ACP3: variants seen among roughly 807,000 people sequenced by gnomAD.
The protein encoded by ACP3 is acid phosphatase 3.
ACP3 carries 38 observed loss-of-function variants against 45.6 expected under a neutral mutation model. The observed-to-expected ratio is 0.83, with a 90% CI of 0.64 to 1.09. ACP3 has a LOEUF of 1.09. Ranked by LOEUF, ACP3 falls within the 50% of genes least tolerant of loss-of-function variation. The pLI, the probability that ACP3 is intolerant of heterozygous loss-of-function variation, is 0.00. For missense variants in ACP3, 466 were observed against 463.2 expected (o/e 1.01, Z -0.05); for synonymous variants, 162 against 164.7 (o/e 0.98, Z 0.13).
At chr3:132,347,454 T>G (rs1937622554) in intron 7 of ACP3, among the ~76,000 whole-genome samples, 2 of 152,084 alleles carry the variant, frequency 1.3e-5, no homozygotes, top group African/African-American at 2.4e-5. Flanking sequence ...GTTTGTTTTG[T>G]TTTTGTTTCT....
chr3:132,355,579 G>A (rs150136371), intron 9 of ACP3, among the ~76,000 whole-genome samples: 93 of 151,270 alleles, frequency 6.1e-4, no homozygotes, highest in African/African-American at 2.1e-3. Context: ...GTGTAGTGGC[G>A]TGATCTCGGC....
At chr3:132,362,092 G>A (rs920172112), downstream of ACP3, among the ~76,000 whole-genome samples, 4 of 151,834 alleles carry the variant, frequency 2.6e-5, no homozygotes, top group African/African-American at 9.7e-5. Context: ...TAACTATTCT[G>A]TAAAATTATG....
downstream of ACP3, among the ~76,000 whole-genome samples, chr3:132,361,683 C>T (rs992153467): frequency 6.6e-6 from 1 of 152,166 alleles, no homozygotes; most frequent in Non-Finnish European, 1.5e-5. Context: ...CTGTTTGTCC[C>T]AAAAGTCTGA....
intron 4 of ACP3, among the ~76,000 whole-genome samples, chr3:132,333,749 AATC>A (rs1261475973): frequency 1.3e-5 from 2 of 152,208 alleles, no homozygotes; most frequent in African/African-American, 4.8e-5. Flanking sequence ...AAAGAAAAAA[AATC>A]ACTTTACCAG....
At chr3:132,322,002 A>T (rs1408652042) in intron 1 of ACP3, among the ~76,000 whole-genome samples, 2 of 152,206 alleles carry the variant, frequency 1.3e-5, no homozygotes, top group Non-Finnish European at 2.9e-5. Context: ...CTCCTGGATG[A>T]GAAATAATGC....
chr3:132,338,323 T>C (rs1050554727), intron 5 of ACP3, among the ~76,000 whole-genome samples: 1 of 151,850 alleles, frequency 6.6e-6, no homozygotes, highest in Non-Finnish European at 1.5e-5. Flanking sequence ...GAAATATTTC[T>C]ATATCTGTAT....
rs1937977587 is a variant in ACP3, at chr3:132,358,793, ATG to A, written c.*1925_*1926del. On this transcript the variant is annotated 3_prime_UTR_variant, in exon 10 of 10. Coordinates refer to ENST00000336375, the MANE Select transcript of ACP3 (RefSeq NM_001099.5). ...TTTTATAATGAACTTAGAAAAACGTATGTGTGTGTGTTTAATTAGAATAAAAT... is the reference window on the plus strand; with the variant it reads ...TTTTATAATGAACTTAGAAAAACGTATGTGTGTGTTTAATTAGAATAAAAT... 2 of 985,814 alleles carry A rather than the reference ATG, an allele frequency of 2.0e-6. No individual in the cohort carries two copies. The highest frequency in any genetic ancestry group is 2.4e-6 in the Non-Finnish European group (2 of 830,030). The allele number at this position is 985,814 out of a possible 1,614,324, so 61.1% of individuals were successfully genotyped here.
In ACP3 at chr3:132,318,573, T is replaced by C. The variant is rs142409275; in HGVS notation, c.120+997T>C. Among the ~76,000 whole-genome samples, 1,468 of 152,278 alleles carry C rather than the reference T, an allele frequency of 9.6e-3. 31 individuals are homozygous for C. The highest frequency in any genetic ancestry group is 0.033 in the African/African-American group (1,359 of 41,540). On this transcript the variant is annotated intron_variant, in intron 1 of 9. Transcript: ENST00000336375. ...AGAAAATATGATACCCATGTGCTTA[T>C]TTGAATCATTATTCTTATAGTCCAG... is the stretch of plus-strand genomic sequence containing the variant.
At chr3:132,324,005 G>A (rs1403952230) in intron 1 of ACP3, among the ~76,000 whole-genome samples, 4 of 152,184 alleles carry the variant, frequency 2.6e-5, no homozygotes, top group Non-Finnish European at 5.9e-5. Context: ...ATCACCTGAG[G>A]TCGGGAGTTC....
At chr3:132,362,917 A>G (rs1307708322), downstream of ACP3, among the ~76,000 whole-genome samples, 2 of 152,198 alleles carry the variant, frequency 1.3e-5, no homozygotes, top group Non-Finnish European at 2.9e-5. Context: ...GGCAGAGGAC[A>G]GATGCTGTAA....
At chr3:132,347,832 G>GACACACACACACAC (rs1267257773) in intron 7 of ACP3, among the ~76,000 whole-genome samples, 1 of 66,546 alleles carries the variant, frequency 1.5e-5, no homozygotes, top group Non-Finnish European at 3.4e-5. Context: ...TGTTCAGTAA[G>GACACACACACACAC]ACACACACAC....
intron 1 of ACP3, among the ~76,000 whole-genome samples, chr3:132,324,530 C>T (rs571026984): frequency 1.3e-5 from 2 of 152,176 alleles, no homozygotes; most frequent in Non-Finnish European, 2.9e-5. Context: ...CTCAGTGCAG[C>T]AGTAGTGCCA....
Position 132,356,723 on chromosome 3 carries a change from CAGCACG to C in ACP3, c.1010_1015del (p.His337_Glu338del). The C allele has an allele frequency of 6.2e-7, 1 of 1,614,142 alleles. No homozygotes were observed. The highest frequency in any genetic ancestry group is 8.5e-7 in the Non-Finnish European group (1 of 1,180,028). On this transcript the variant is annotated inframe_deletion, in exon 10 of 10. Coordinates refer to ENST00000336375, the MANE Select transcript of ACP3 (RefSeq NM_001099.5). Reference sequence around the variant, plus strand: ...GGAGATGTACTATCGGAATGAGACGCAGCACGAGCCGTATCCCCTCATGCTACCTGG... The same window carrying C: ...GGAGATGTACTATCGGAATGAGACGCAGCCGTATCCCCTCATGCTACCTGG...
At chr3:132,363,323 A>G (rs1294209605), downstream of ACP3, among the ~76,000 whole-genome samples, 1 of 152,106 alleles carries the variant, frequency 6.6e-6, no homozygotes, top group African/African-American at 2.4e-5. Flanking sequence ...TCTCAATCCC[A>G]CACTGGAGAC....
chr3:132,340,715 G>A (rs1318264765), intron 5 of ACP3, among the ~76,000 whole-genome samples: 2 of 152,046 alleles, frequency 1.3e-5, no homozygotes, highest in Non-Finnish European at 2.9e-5. Context: ...TAGGTGTGGG[G>A]TCTATTTATG....
chr3:132,335,323 G>A (rs1387682469), intron 4 of ACP3, among the ~76,000 whole-genome samples: 1 of 152,146 alleles, frequency 6.6e-6, no homozygotes, highest in Non-Finnish European at 1.5e-5. Context: ...AATAACTATT[G>A]AAGCAATTCT....
chr3:132,355,214 A>G lies in ACP3; in HGVS notation c.969-1472A>G, dbSNP rs192856853. Among the ~76,000 whole-genome samples the G allele has an allele frequency of 8.5e-5, 13 of 152,348 alleles. 1 individual carries two copies. The highest frequency in any genetic ancestry group is 7.2e-4 in the Admixed American group (11 of 15,308). On this transcript the variant is annotated intron_variant, in intron 9 of 9. Coordinates refer to ENST00000336375, the MANE Select transcript of ACP3 (RefSeq NM_001099.5). ...CACGTCAGCCTTTTAAAGGGGACAC[A>G]TATCATTTCTGCTCACTTTCTACTG...
intron 8 of ACP3, among the ~76,000 whole-genome samples, chr3:132,350,207 T>C (rs1223396112): frequency 6.6e-6 from 1 of 152,096 alleles, no homozygotes; most frequent in African/African-American, 2.4e-5. Context: ...ATAAACACTA[T>C]ACAAAATGGG....
rs183923936 is a variant in ACP3, at chr3:132,353,119, C to G, written c.968+296C>G. Among the ~76,000 whole-genome samples the G allele has an allele frequency of 1.7e-3, 252 of 152,158 alleles. 1 individual carries two copies. Among genetic ancestry groups the G allele is most frequent in the African/African-American group, 5.8e-3 (242 of 41,500 alleles). On this transcript the variant is annotated intron_variant, in intron 9 of 9. Coordinates refer to ENST00000336375, the MANE Select transcript of ACP3 (RefSeq NM_001099.5). ...GAAGTAGGCATGTATTGTATATATA[C>G]TTGGCAAGAGAAAAATTTCTTGATG...
Sources: allele counts gnomAD v4.1 joint callset (sites outside exome capture counted in the v4.1 genomes callset), GRCh38; gene constraint gnomAD v4.1.1; transcripts MANE v1.5; gene names NCBI Gene and HGNC (gene_info 2026-07-23, HGNC 2026-07-21).